The following RBMS3 variants were observed in gnomAD, a reference collection of about 807,000 sequenced individuals.
The protein encoded by RBMS3 is RNA binding motif single stranded interacting protein 3.
In RBMS3, 27 loss-of-function variants were observed where a neutral mutation model predicts 66.8. That is an observed-to-expected ratio of 0.40 (90% CI 0.30 to 0.56). The LOEUF is 0.56. RBMS3 is among the 20% of genes least tolerant of loss of function. The pLI, the probability that RBMS3 is intolerant of heterozygous loss-of-function variation, is 0.40. For synonymous variants in RBMS3, 188 were observed against 183.0 expected, an observed-to-expected ratio of 1.03 and a Z score of -0.22; for missense variants, 513 against 549.5, an observed-to-expected ratio of 0.93 and a Z score of 0.66.
intron 4 of RBMS3, among the ~76,000 whole-genome samples, chr3:29,637,657 C>CTTTATATTAA (rs2049524325): frequency 6.6e-6 from 1 of 151,842 alleles, no homozygotes; most frequent in South Asian, 2.1e-4. Context: ...CATGTACAGG[C>CTTTATATTAA]AGCTTAATGG....
chr3:29,838,484 A>G (rs1441344940), intron 6 of RBMS3, among the ~76,000 whole-genome samples: 1 of 152,192 alleles, frequency 6.6e-6, no homozygotes, highest in East Asian at 1.9e-4. Flanking sequence ...GCCCACCTGA[A>G]TAGGATATTT....
At chr3:29,538,997 A>G (rs1365831958) in intron 3 of RBMS3, among the ~76,000 whole-genome samples, 1 of 152,098 alleles carries the variant, frequency 6.6e-6, no homozygotes, top group African/African-American at 2.4e-5. Context: ...TTTTTTGCTT[A>G]TTTTCCCTTC....
At chr3:29,916,786 A>T (rs1279287567) in intron 10 of RBMS3, among the ~76,000 whole-genome samples, 2 of 152,084 alleles carry the variant, frequency 1.3e-5, no homozygotes, top group African/African-American at 2.4e-5. Flanking sequence ...TTAGGGGAAG[A>T]AAAACTTGTT....
At chr3:29,905,641 T>C (rs116716353) in intron 10 of RBMS3, among the ~76,000 whole-genome samples, 5,518 of 152,202 alleles carry the variant, frequency 0.036, 157 homozygotes, top group Non-Finnish European at 0.053. Flanking sequence ...CTACTATAAC[T>C]GACAATACCT....
chr3:29,466,145 GAGA>G (rs1004627126), intron 2 of RBMS3, among the ~76,000 whole-genome samples: 2 of 151,988 alleles, frequency 1.3e-5, no homozygotes, highest in African/African-American at 4.8e-5. Context: ...GCAGTCTGAA[GAGA>G]AGGTCATTTC....
intron 1 of RBMS3, among the ~76,000 whole-genome samples, chr3:29,343,897 C>T (rs960114892): frequency 3.9e-5 from 6 of 152,184 alleles, no homozygotes; most frequent in Admixed American, 6.5e-5. Context: ...AGTTTGCCTC[C>T]ATTATCCTTG....
chr3:29,921,416 C>T (rs750056509), intron 10 of RBMS3, among the ~76,000 whole-genome samples: 1 of 138,820 alleles, frequency 7.2e-6, no homozygotes, highest in Non-Finnish European at 1.5e-5. Flanking sequence ...AATAGCCACT[C>T]AGAATATGTG....
chr3:29,527,181 TAAAAAAAAAA>T (rs538907247), intron 3 of RBMS3, among the ~76,000 whole-genome samples: 6 of 87,828 alleles, frequency 6.8e-5, no homozygotes, highest in Admixed American at 1.4e-4. Context: ...TTAGGTAGAG[TAAAAAAAAAA>T]AAAAAAAAAA....
intron 8 of RBMS3, among the ~76,000 whole-genome samples, chr3:29,885,477 G>A (rs140333882): frequency 1.3e-3 from 202 of 151,928 alleles, no homozygotes; most frequent in African/African-American, 4.3e-3. Context: ...AAAAAATAAG[G>A]CATTATATAT....
Position 29,281,674 on chromosome 3 carries a change from C to G in RBMS3, c.-8C>G. On this transcript the variant is annotated 5_prime_UTR_variant, in exon 1 of 15. Coordinates refer to ENST00000383767, the MANE Select transcript of RBMS3 (RefSeq NM_001003793.3). The stretch of plus-strand genomic sequence containing the variant: ...GTTCCCTGCCTCGGAGATAAAGATT[C>G]CAGCTACATGGGCAAACGCCTGGAT... The G allele has an allele frequency of 1.9e-6, 3 of 1,612,764 alleles. No individual in the cohort carries two copies. The highest frequency in any genetic ancestry group is 1.3e-5 in the African/African-American group (1 of 74,956).
At chr3:29,751,269 G>A (rs751402103) in intron 5 of RBMS3, among the ~76,000 whole-genome samples, 10 of 152,114 alleles carry the variant, frequency 6.6e-5, no homozygotes, top group Non-Finnish European at 1.3e-4. Flanking sequence ...CAATACTAAA[G>A]CTAATTTTAA....
At chr3:29,702,444 G>A (rs2052653511) in intron 4 of RBMS3, among the ~76,000 whole-genome samples, 1 of 152,206 alleles carries the variant, frequency 6.6e-6, no homozygotes, top group South Asian at 2.1e-4. Flanking sequence ...CCAGATAAGG[G>A]AATGAAAGGC....
intron 3 of RBMS3, among the ~76,000 whole-genome samples, chr3:29,516,386 C>G (rs1394647595): frequency 3.9e-5 from 6 of 152,126 alleles, no homozygotes; most frequent in Admixed American, 3.3e-4. Flanking sequence ...GATGAAATCA[C>G]TAAGAAAACA....
In RBMS3 at chr3:29,689,917, CAAAAAAAAAAAAAAAAAAAA is replaced by C. The variant is rs66580293; in HGVS notation, c.400-49784_400-49765del. 7.6e-4 allele frequency among the ~76,000 whole-genome samples: 21 copies of C among 27,736 alleles called. 1 individual carries two copies. The South Asian group carries it at 9.9e-3, about 13-fold the overall frequency. The allele number at this position is 27,736 out of a possible 152,430, so 18.2% of individuals were successfully genotyped here. On this transcript the variant is annotated intron_variant, in intron 4 of 14. Coordinates refer to ENST00000383767, the MANE Select transcript of RBMS3 (RefSeq NM_001003793.3). ...CAACATAGCAAGATCCTATCTCTAC[CAAAAAAAAAAAAAAAAAAAA>C]AAAAAAAAAAAAAAAAAAGTGAAAG...
intron 3 of RBMS3, among the ~76,000 whole-genome samples, chr3:29,562,712 C>G (rs1287628851): frequency 6.6e-6 from 1 of 152,180 alleles, no homozygotes; most frequent in Non-Finnish European, 1.5e-5. Flanking sequence ...GCCGGTATCA[C>G]CTTTCCTCCT....
intron 4 of RBMS3, among the ~76,000 whole-genome samples, chr3:29,634,579 G>T (rs1261835342): frequency 2.0e-5 from 3 of 151,792 alleles, no homozygotes; most frequent in African/African-American, 7.3e-5. Flanking sequence ...CTGTGTCTCA[G>T]AGGTCTCTAG....
intron 8 of RBMS3, among the ~76,000 whole-genome samples, chr3:29,884,422 T>TTCTCCCTCTCTC: frequency 2.4e-5 from 1 of 41,882 alleles, no homozygotes; most frequent in African/African-American, 1.0e-4. Flanking sequence ...TTAAACCCTG[T>TTCTCCCTCTCTC]TCTCTCTCTC....
intron 6 of RBMS3, among the ~76,000 whole-genome samples, chr3:29,768,833 A>AT (rs1326326551): frequency 4.6e-5 from 7 of 151,806 alleles, no homozygotes; most frequent in African/African-American, 1.7e-4. Flanking sequence ...CTTTATTAGC[A>AT]TTTTCCCCCT....
At position 29,625,458 on chromosome 3, in the gene RBMS3, C is replaced by G. The variant is rs946793707; in HGVS notation, c.399+38253C>G. Among the ~76,000 whole-genome samples, 3 of 151,992 alleles carry G rather than the reference C, an allele frequency of 2.0e-5. No individual in the cohort carries two copies. In the South Asian group the frequency reaches 6.2e-4, roughly 32 times the overall value. ...CCTGTAATCCCAGAACTTTGGGAGG[C>G]CGAGGCAGGTGGATCACCTGAGGTC... On this transcript the variant is annotated intron_variant, in intron 4 of 14. Coordinates refer to ENST00000383767, the MANE Select transcript of RBMS3 (RefSeq NM_001003793.3).
Sources: gnomAD v4.1 joint callset for allele counts (sites outside exome capture counted in the v4.1 genomes callset) on GRCh38, gnomAD v4.1.1 for gene constraint, MANE v1.5 for transcripts, NCBI Gene and HGNC (gene_info 2026-07-23, HGNC 2026-07-21) for gene names.